The following PCDH9 variants were observed in gnomAD, a reference collection of about 807,000 sequenced individuals.
PCDH9 encodes protocadherin 9, also known as protocadherin-9.
A neutral mutation model predicts 70.6 loss-of-function variants in PCDH9; 24 were observed. That is an observed-to-expected ratio of 0.34 (90% CI 0.25 to 0.48). The LOEUF is 0.48. Ranked by LOEUF, PCDH9 falls within the 20% of genes least tolerant of loss-of-function variation. The probability of loss-of-function intolerance (pLI) is 0.99; values close to 1 mark genes in which losing one functional copy is unlikely to be tolerated. For missense variants in PCDH9, 1,281 were observed against 1,503.6 expected, an observed-to-expected ratio of 0.85 and a Z score of 2.45; for synonymous variants, 562 against 558.5, an observed-to-expected ratio of 1.01 and a Z score of -0.09.
At chr13:66,699,500 G>C (rs952745452) in intron 3 of PCDH9, among the ~76,000 whole-genome samples, 1 of 152,078 alleles carries the variant, frequency 6.6e-6, no homozygotes, top group African/African-American at 2.4e-5. Flanking sequence ...ACAAGTGTCC[G>C]TATAAGACAC....
intron 3 of PCDH9, among the ~76,000 whole-genome samples, chr13:66,853,435 A>T (rs1487713231): frequency 6.6e-6 from 1 of 152,242 alleles, no homozygotes; most frequent in Non-Finnish European, 1.5e-5. Flanking sequence ...GACCTCCAGC[A>T]ATGCCTTTGA....
At position 67,224,223 on chromosome 13, in the gene PCDH9, C is replaced by T. The variant is rs1289915652; in HGVS notation, c.3036+1182G>A. 2 of 152,222 alleles carry T rather than the reference C, an allele frequency of 1.3e-5. 1 individual carries two copies. Among genetic ancestry groups the T allele is most frequent in the East Asian group, 3.8e-4 (2 of 5,198 alleles). 9.4% of individuals were successfully genotyped at this position (152,222 alleles called of 1,614,324 possible). A position where few individuals can be genotyped will look rare whatever the true frequency, so the allele number is the denominator to read the frequency against. ...GAACTCCATATCGACAAAGACAGAA[C>T]TAGCATTACGAAATCCTAGAAAGTT... On this transcript the variant is annotated intron_variant, in intron 2 of 4. Coordinates refer to ENST00000377865, the MANE Select transcript of PCDH9 (RefSeq NM_203487.3).
chr13:67,003,273 TTC>T (rs2084281808), intron 2 of PCDH9, among the ~76,000 whole-genome samples: 1 of 152,158 alleles, frequency 6.6e-6, no homozygotes, highest in South Asian at 2.1e-4. Flanking sequence ...TACAAATAAC[TTC>T]CTTGCAACAA....
intron 4 of PCDH9, among the ~76,000 whole-genome samples, chr13:66,319,635 C>T (rs1955717078): frequency 6.6e-6 from 1 of 151,944 alleles, no homozygotes; most frequent in South Asian, 2.1e-4. Flanking sequence ...AAGTAGGAAA[C>T]TATCATTACC....
chr13:67,218,031 G>A (rs2089646668), intron 2 of PCDH9: 1 of 152,042 alleles, frequency 6.6e-6, no homozygotes, highest in East Asian at 1.9e-4. Flanking sequence ...TCACTCTAAT[G>A]TGGAGGGAAA....
Position 67,195,331 on chromosome 13 carries a change from A to G in PCDH9, c.3036+30074T>C, listed in dbSNP as rs146865089. On this transcript the variant is annotated intron_variant, in intron 2 of 4. Transcript: ENST00000377865. ...CGCTAATTATTTGTATTTTAGTAGA[A>G]ACGGCGTTTCATCGTGTTAGACAGG... Among the ~76,000 whole-genome samples, 201 of 151,946 alleles carry G rather than the reference A, an allele frequency of 1.3e-3. 1 individual carries two copies. Among genetic ancestry groups the G allele is most frequent in the African/African-American group, 4.7e-3 (196 of 41,436 alleles).
chr13:66,700,923 A>ATATATAT (rs1566514288), intron 3 of PCDH9, among the ~76,000 whole-genome samples: 10 of 58,436 alleles, frequency 1.7e-4, no homozygotes, highest in Non-Finnish European at 2.6e-4. Context: ...TGTACATATA[A>ATATATAT]ATATATATAT....
intron 2 of PCDH9, among the ~76,000 whole-genome samples, chr13:66,929,913 C>T (rs1304257125): frequency 6.6e-6 from 1 of 152,064 alleles, no homozygotes; most frequent in Admixed American, 6.6e-5. Flanking sequence ...CCAAGCTCTC[C>T]AGTGATGTAT....
intron 2 of PCDH9, among the ~76,000 whole-genome samples, chr13:67,167,349 A>G (rs1555314948): frequency 6.6e-6 from 1 of 152,132 alleles, no homozygotes; most frequent in Non-Finnish European, 1.5e-5. Flanking sequence ...AATGATATCT[A>G]TTTCATAGTA....
At chr13:66,603,615 G>A (rs768958796) in intron 4 of PCDH9, among the ~76,000 whole-genome samples, 3 of 151,936 alleles carry the variant, frequency 2.0e-5, no homozygotes, top group Non-Finnish European at 2.9e-5. Flanking sequence ...GTATTTTCAT[G>A]TTTATAATCA....
At chr13:66,707,091 T>C (rs1566518188) in intron 3 of PCDH9, among the ~76,000 whole-genome samples, 1 of 152,160 alleles carries the variant, frequency 6.6e-6, no homozygotes, top group East Asian at 1.9e-4. Flanking sequence ...AATATTTTCA[T>C]TTTAGCACCT....
At chr13:66,734,909 C>T (rs1291791128) in intron 3 of PCDH9, among the ~76,000 whole-genome samples, 1 of 152,148 alleles carries the variant, frequency 6.6e-6, no homozygotes, top group Non-Finnish European at 1.5e-5. Flanking sequence ...TACTACCGAA[C>T]GCAGTTGGTC....
intron 3 of PCDH9, among the ~76,000 whole-genome samples, chr13:66,694,187 G>A (rs2078526800): frequency 6.6e-6 from 1 of 152,064 alleles, no homozygotes; most frequent in African/African-American, 2.4e-5. Flanking sequence ...TCATATAATG[G>A]GTGTCTGTAA....
intron 4 of PCDH9, among the ~76,000 whole-genome samples, chr13:66,466,164 C>A (rs1354755355): frequency 6.6e-6 from 1 of 151,586 alleles, no homozygotes; most frequent in Non-Finnish European, 1.5e-5. Context: ...TTTCTCTATC[C>A]CTTCTCTCTA....
At chr13:66,496,047 T>A in intron 4 of PCDH9, among the ~76,000 whole-genome samples, 1 of 152,220 alleles carries the variant, frequency 6.6e-6, no homozygotes, top group East Asian at 1.9e-4. Flanking sequence ...ATTTTGACAT[T>A]TATTATTGTT....
chr13:66,639,341 G>A lies in PCDH9; in HGVS notation c.3139-7930C>T, dbSNP rs895798756. Among the ~76,000 whole-genome samples, 5 of 151,918 alleles carry A rather than the reference G, an allele frequency of 3.3e-5. No homozygotes were observed. The East Asian group carries it at 9.6e-4, about 29-fold the overall frequency. Reference sequence around the variant, plus strand: ...AACTTGGCCTGTTTGATTTGTAAATGTCTTATTGTGAAATGAGTTCCTCAA... The same window carrying A: ...AACTTGGCCTGTTTGATTTGTAAATATCTTATTGTGAAATGAGTTCCTCAA... On this transcript the variant is annotated intron_variant, in intron 3 of 4. Transcript: ENST00000377865.
chr13:67,063,314 G>A (rs1233396673), intron 2 of PCDH9, among the ~76,000 whole-genome samples: 2 of 152,006 alleles, frequency 1.3e-5, no homozygotes, highest in Non-Finnish European at 2.9e-5. Flanking sequence ...CATTCACAAG[G>A]GACCATCTAC....
intron 2 of PCDH9, among the ~76,000 whole-genome samples, chr13:66,979,696 GATC>G (rs1432124290): frequency 6.6e-6 from 1 of 152,054 alleles, no homozygotes; most frequent in Non-Finnish European, 1.5e-5. Context: ...CACCTATTCT[GATC>G]ATATCCCCCC....
At chr13:66,943,759 A>G (rs79101484) in intron 2 of PCDH9, among the ~76,000 whole-genome samples, 159 of 152,188 alleles carry the variant, frequency 1.0e-3, no homozygotes, top group Non-Finnish European at 1.2e-3. Context: ...AATATGAGAA[A>G]ACTTCAAGCA....
Sources: allele counts gnomAD v4.1 joint callset (sites outside exome capture counted in the v4.1 genomes callset), GRCh38; gene constraint gnomAD v4.1.1; transcripts MANE v1.5; gene names NCBI Gene and HGNC (gene_info 2026-07-23, HGNC 2026-07-21).